PPP2R2B: variants seen among roughly 807,000 people sequenced by gnomAD.
PPP2R2B encodes the protein serine/threonine-protein phosphatase 2A 55 kDa regulatory subunit B beta isoform.
PPP2R2B carries 5 observed loss-of-function variants against 46.0 expected under a neutral mutation model. The ratio of observed to expected loss-of-function variants is 0.11; its 90% CI spans 0.06 to 0.23. PPP2R2B has a LOEUF of 0.23. Among genes scored for constraint, PPP2R2B ranks in the 10% least tolerant of loss-of-function variants. The probability of loss-of-function intolerance (pLI) is 1.00; values close to 1 mark genes in which losing one functional copy is unlikely to be tolerated. For synonymous variants in PPP2R2B, 215 were observed against 206.7 expected (o/e 1.04, Z -0.34); for missense variants, 367 against 575.0 (o/e 0.64, Z 3.70).
intron 1 of PPP2R2B, among the ~76,000 whole-genome samples, chr5:146,994,955 G>C (rs1282377993): frequency 6.6e-6 from 1 of 152,138 alleles, no homozygotes; most frequent in Non-Finnish European, 1.5e-5. Context: ...TAGAATTCTT[G>C]GGAACCTATA....
chr5:147,065,661 G>A (rs962624859), intron 2 of PPP2R2B, among the ~76,000 whole-genome samples: 10 of 151,992 alleles, frequency 6.6e-5, no homozygotes, highest in Non-Finnish European at 1.5e-4. Flanking sequence ...TGAGGGATTG[G>A]AGATACTGAC....
intron 5 of PPP2R2B, among the ~76,000 whole-genome samples, chr5:146,668,095 G>A (rs1012927294): frequency 2.0e-5 from 3 of 152,132 alleles, no homozygotes; most frequent in Middle Eastern, 3.2e-3. Flanking sequence ...CCTGACTGCT[G>A]CAGTTAACAG....
At chr5:147,004,442 G>A (rs967362777) in intron 1 of PPP2R2B, among the ~76,000 whole-genome samples, 28 of 152,158 alleles carry the variant, frequency 1.8e-4, no homozygotes, top group African/African-American at 6.5e-4. Flanking sequence ...CTGGACACTG[G>A]CATGGCCTTC....
At chr5:146,783,160 T>G (rs1254138471) in intron 2 of PPP2R2B, among the ~76,000 whole-genome samples, 1 of 152,124 alleles carries the variant, frequency 6.6e-6, no homozygotes, top group African/African-American at 2.4e-5. Context: ...CTACTGAAAA[T>G]CACATGATAT....
chr5:146,921,336 C>G (rs1009813898), intron 1 of PPP2R2B, among the ~76,000 whole-genome samples: 1 of 152,180 alleles, frequency 6.6e-6, no homozygotes, highest in Non-Finnish European at 1.5e-5. Context: ...GGAGTACAAC[C>G]TGATAGCCCC....
chr5:147,078,891 G>A (rs1366284094), intron 2 of PPP2R2B, among the ~76,000 whole-genome samples: 1 of 151,250 alleles, frequency 6.6e-6, no homozygotes, highest in African/African-American at 2.4e-5. Flanking sequence ...AGTCTCTATT[G>A]TTTAAAAAGT....
At chr5:147,005,968 C>A (rs928326241) in intron 1 of PPP2R2B, among the ~76,000 whole-genome samples, 1 of 152,206 alleles carries the variant, frequency 6.6e-6, no homozygotes, top group African/African-American at 2.4e-5. Flanking sequence ...AACAAGGGAA[C>A]AAGGGCATAA....
At chr5:146,732,386 C>T (rs1752285176) in intron 2 of PPP2R2B, among the ~76,000 whole-genome samples, 1 of 152,146 alleles carries the variant, frequency 6.6e-6, no homozygotes, top group African/African-American at 2.4e-5. Flanking sequence ...TACACAGAAA[C>T]TACGGTTTTT....
chr5:146,766,047 A>C (rs908687202), intron 2 of PPP2R2B, among the ~76,000 whole-genome samples: 1 of 152,220 alleles, frequency 6.6e-6, no homozygotes, highest in Non-Finnish European at 1.5e-5. Flanking sequence ...AAGGAAAATA[A>C]GTATCATTAA....
At chr5:146,993,174 C>T (rs1016047061) in intron 1 of PPP2R2B, among the ~76,000 whole-genome samples, 3 of 151,912 alleles carry the variant, frequency 2.0e-5, no homozygotes, top group African/African-American at 4.8e-5. Flanking sequence ...AACTCGTAAT[C>T]TCAGGTGATC....
chr5:146,615,502 TA>T (rs533328196), intron 7 of PPP2R2B, among the ~76,000 whole-genome samples: 5,973 of 44,728 alleles, frequency 0.13, 255 homozygotes, highest in East Asian at 0.25. Context: ...TAGAGTATAA[TA>T]AAAAAAAAAA....
At chr5:146,936,890 C>G (rs1294304577) in intron 1 of PPP2R2B, among the ~76,000 whole-genome samples, 4 of 147,748 alleles carry the variant, frequency 2.7e-5, no homozygotes, top group Non-Finnish European at 5.9e-5. Flanking sequence ...TTCTTCAATG[C>G]TGTCTAATGG....
intron 2 of PPP2R2B, among the ~76,000 whole-genome samples, chr5:146,762,866 C>T (rs984265715): frequency 6.6e-5 from 10 of 152,188 alleles, no homozygotes; most frequent in Non-Finnish European, 1.5e-4. Context: ...CAGACCAAGT[C>T]CAGGTCTGCC....
intron 2 of PPP2R2B, among the ~76,000 whole-genome samples, chr5:146,736,338 ATAAC>A (rs1358367240): frequency 6.6e-6 from 1 of 152,206 alleles, no homozygotes; most frequent in African/African-American, 2.4e-5. Context: ...TACAGTGACA[ATAAC>A]TAACAACTGA....
At chr5:146,633,729 G>A (rs892596549) in intron 7 of PPP2R2B, among the ~76,000 whole-genome samples, 2 of 152,204 alleles carry the variant, frequency 1.3e-5, no homozygotes, top group Non-Finnish European at 2.9e-5. Context: ...TTGCTTCTCT[G>A]GGGCTGTGTG....
chr5:146,945,398 T>C (rs574825296), intron 1 of PPP2R2B, among the ~76,000 whole-genome samples: 1 of 152,316 alleles, frequency 6.6e-6, no homozygotes, highest in South Asian at 2.1e-4. Flanking sequence ...AAACAAACAT[T>C]TCTTTTCTGC....
chr5:146,828,006 A>T (rs1758683931), intron 2 of PPP2R2B, among the ~76,000 whole-genome samples: 1 of 142,784 alleles, frequency 7.0e-6, no homozygotes, highest in South Asian at 2.1e-4. Context: ...TTGAAGAGAG[A>T]GAGAGAGAGA....
chr5:146,647,928 G>C (rs933279645), intron 6 of PPP2R2B, among the ~76,000 whole-genome samples: 1 of 152,212 alleles, frequency 6.6e-6, no homozygotes, highest in Non-Finnish European at 1.5e-5. Context: ...GCCAGGCATG[G>C]TCCTGATGGT....
chr5:146,736,234 C>T (rs1333249615), intron 2 of PPP2R2B, among the ~76,000 whole-genome samples: 1 of 152,176 alleles, frequency 6.6e-6, no homozygotes, highest in Non-Finnish European at 1.5e-5. Context: ...GAGGCCTCCC[C>T]AGCCATACTG....
Sources: allele counts gnomAD v4.1 joint callset (sites outside exome capture counted in the v4.1 genomes callset), GRCh38; gene constraint gnomAD v4.1.1; transcripts MANE v1.5; gene names NCBI Gene and HGNC (gene_info 2026-07-23, HGNC 2026-07-21).